SNAP91: variants seen among roughly 807,000 people sequenced by gnomAD.
SNAP91 encodes the protein clathrin coat assembly protein AP180.
Under a neutral mutation model 100.3 loss-of-function variants are expected in SNAP91, and 27 were observed. The observed-to-expected ratio is 0.27, with a 90% CI of 0.20 to 0.37. The LOEUF (loss-of-function observed/expected upper bound fraction) is 0.37. Among genes scored for constraint, SNAP91 ranks in the 10% least tolerant of loss-of-function variants. The pLI, the probability that SNAP91 is intolerant of heterozygous loss-of-function variation, is 1.00. For missense variants in SNAP91, 986 were observed against 1,123.7 expected (o/e 0.88, Z 1.75); for synonymous variants, 404 against 398.6 (o/e 1.01, Z -0.16).
chr6:83,664,126 A>C (rs1350262734), intron 3 of SNAP91, among the ~76,000 whole-genome samples: 1 of 152,124 alleles, frequency 6.6e-6, no homozygotes, highest in African/African-American at 2.4e-5. Context: ...TCAAAATATT[A>C]CTGCTCATTG....
chr6:83,603,450 TAAC>T, intron 14 of SNAP91, among the ~76,000 whole-genome samples: 1 of 152,144 alleles, frequency 6.6e-6, no homozygotes, highest in Non-Finnish European at 1.5e-5. Flanking sequence ...GCTGGACTCT[TAAC>T]TACTGGGCTT....
At chr6:83,610,289 A>G (rs972831665) in intron 12 of SNAP91, among the ~76,000 whole-genome samples, 11 of 152,050 alleles carry the variant, frequency 7.2e-5, no homozygotes, top group African/African-American at 2.7e-4. Context: ...AAAGGGAGGA[A>G]ATTCAGGCAC....
chr6:83,561,001 A>C, intron 26 of SNAP91, 54 bp from the exon 27 acceptor site: 3 of 1,123,616 alleles, frequency 2.7e-6, no homozygotes, highest in Non-Finnish European at 3.9e-6. Flanking sequence ...ACACAAACAC[A>C]TGCACGACAA....
intron 8 of SNAP91, among the ~76,000 whole-genome samples, chr6:83,639,037 A>G (rs2097570036): frequency 6.6e-6 from 1 of 152,240 alleles, no homozygotes; most frequent in Admixed American, 6.5e-5. Flanking sequence ...GCAATTTAAG[A>G]AATTTGAATA....
intron 12 of SNAP91, among the ~76,000 whole-genome samples, chr6:83,610,027 GAT>G (rs2095889409): frequency 6.6e-6 from 1 of 151,966 alleles, no homozygotes; most frequent in African/African-American, 2.4e-5. Context: ...TACAAAGGAG[GAT>G]ACATAAAAAC....
In SNAP91 at chr6:83,707,790, A is replaced by C. The variant is rs962518828; in HGVS notation, c.130+8T>G. The C allele has an allele frequency of 6.2e-7, 1 of 1,612,766 alleles. No individual in the cohort carries two copies. The highest frequency in any genetic ancestry group is 8.5e-7 in the Non-Finnish European group (1 of 1,179,462). The stretch of plus-strand genomic sequence containing the variant: ...GCGCATGTCCCTCTTATATAAAGAG[A>C]TGCTTACAGTCCAGGTGCTTTTTCT... On this transcript the variant is annotated splice_region_variant and intron_variant, in intron 2 of 29. Transcript: ENST00000369694.
intron 26 of SNAP91, among the ~76,000 whole-genome samples, chr6:83,572,177 C>T (rs1454656865): frequency 6.6e-6 from 1 of 152,182 alleles, no homozygotes; most frequent in Non-Finnish European, 1.5e-5. Flanking sequence ...AAAATCCCCA[C>T]TTGTGTGGAT....
At chr6:83,707,685 T>A (rs889315561) in intron 2 of SNAP91, 113 bp downstream of exon 2, 6 of 1,395,928 alleles carry the variant, frequency 4.3e-6, no homozygotes, top group Non-Finnish European at 4.8e-6. Flanking sequence ...AGGGGCAACC[T>A]GGCTGGGAGT....
chr6:83,588,619 C>G (rs1392745585), intron 22 of SNAP91, among the ~76,000 whole-genome samples: 1 of 152,200 alleles, frequency 6.6e-6, no homozygotes, highest in Non-Finnish European at 1.5e-5. Flanking sequence ...TGACAAACCC[C>G]TTCAGGCTTG....
In SNAP91 at chr6:83,605,699, G is replaced by A. The variant is rs1016484355; in HGVS notation, c.1127C>T (p.Ala376Val). ...GTTTTACTCACCTCCCCATGCAGTG[G>A]CTCCTCCAGCAGGTGGTGGTGGTGC... ...APAPPPPAGG[A>V]TAWGDLLGED... The change falls in exon 14 of 30, where the codon GCC becomes GTC. Residue 376 changes from alanine to valine, a missense_variant. Transcript: ENST00000369694. 1.9e-6 allele frequency: 3 copies of A among 1,552,056 alleles called. No homozygotes were observed. The highest frequency in any genetic ancestry group is 1.2e-5 in the South Asian group (1 of 84,020).
intron 2 of SNAP91, among the ~76,000 whole-genome samples, chr6:83,698,519 G>C (rs972246329): frequency 6.6e-6 from 1 of 151,950 alleles, no homozygotes; most frequent in Non-Finnish European, 1.5e-5. Flanking sequence ...ACCATATAAA[G>C]CTAGGATCCT....
intron 8 of SNAP91, among the ~76,000 whole-genome samples, chr6:83,638,698 A>C (rs940983698): frequency 3.9e-5 from 6 of 152,186 alleles, no homozygotes; most frequent in African/African-American, 1.2e-4. Context: ...TAAATGGATA[A>C]TTGTGTTCAA....
chr6:83,689,745 A>T (rs1366014119), intron 2 of SNAP91: 1 of 152,126 alleles, frequency 6.6e-6, no homozygotes, highest in African/African-American at 2.4e-5. Context: ...CTCCTCAAAG[A>T]TTGTGAATAT....
intron 8 of SNAP91, among the ~76,000 whole-genome samples, chr6:83,623,861 A>G (rs1264039003): frequency 2.6e-5 from 4 of 152,140 alleles, no homozygotes; most frequent in Non-Finnish European, 5.9e-5. Context: ...TCCCCATTAC[A>G]ACACAAATAA....
intron 2 of SNAP91, among the ~76,000 whole-genome samples, chr6:83,670,759 C>T (rs1221245871): frequency 6.6e-6 from 1 of 151,806 alleles, no homozygotes; most frequent in Non-Finnish European, 1.5e-5. Flanking sequence ...TGAAAAAAAA[C>T]TATTCTTTCT....
intron 7 of SNAP91, among the ~76,000 whole-genome samples, chr6:83,644,711 G>A (rs2097848842): frequency 1.3e-5 from 2 of 152,144 alleles, no homozygotes; most frequent in Admixed American, 6.5e-5. Context: ...ATTAGTCAGG[G>A]AGACAGCTTA....
chr6:83,709,172 G>A (rs2099419877), upstream of SNAP91: 1 of 152,390 alleles, frequency 6.6e-6, no homozygotes, highest in Admixed American at 6.5e-5. Context: ...GACAAACCCG[G>A]ACGAGCCCTC....
chr6:83,667,642 AT>A (rs940098154), intron 2 of SNAP91, among the ~76,000 whole-genome samples: 4 of 151,826 alleles, frequency 2.6e-5, no homozygotes, highest in East Asian at 1.9e-4. Context: ...TGATTTTTAT[AT>A]TTTTTTATTA....
chr6:83,679,484 G>A (rs1192654799), intron 2 of SNAP91, among the ~76,000 whole-genome samples: 3 of 152,188 alleles, frequency 2.0e-5, no homozygotes, highest in East Asian at 3.9e-4. Flanking sequence ...AATAAAAGTC[G>A]ACAGCAGCAG....
Sources: gnomAD v4.1 joint callset for allele counts (sites outside exome capture counted in the v4.1 genomes callset) on GRCh38, gnomAD v4.1.1 for gene constraint, MANE v1.5 for transcripts, NCBI Gene and HGNC (gene_info 2026-07-23, HGNC 2026-07-21) for gene names.